OPCML: variants seen among roughly 807,000 people sequenced by gnomAD.
OPCML encodes opioid binding protein/cell adhesion molecule like.
In OPCML, 13 loss-of-function variants were observed where a neutral mutation model predicts 37.8. The ratio of observed to expected loss-of-function variants is 0.34; its 90% CI spans 0.22 to 0.55. The LOEUF is 0.55. OPCML is among the 20% of genes least tolerant of loss of function. The pLI is 0.91. For missense variants in OPCML, 341 were observed against 435.6 expected, an observed-to-expected ratio of 0.78 and a Z score of 1.93; for synonymous variants, 176 against 168.8, an observed-to-expected ratio of 1.04 and a Z score of -0.33.
intron 1 of OPCML, among the ~76,000 whole-genome samples, chr11:133,426,584 C>T (rs60949153): frequency 0.012 from 1,801 of 152,246 alleles, 34 homozygotes; most frequent in African/African-American, 0.04. Flanking sequence ...CCTCCTCTGC[C>T]CCAGGCCCCC....
At chr11:132,923,887 C>T (rs1378214273) in intron 2 of OPCML, among the ~76,000 whole-genome samples, 1 of 151,630 alleles carries the variant, frequency 6.6e-6, no homozygotes, top group African/African-American at 2.4e-5. Flanking sequence ...CCTCAGCCTC[C>T]CGACTAGCTA....
intron 1 of OPCML, among the ~76,000 whole-genome samples, chr11:132,993,171 A>G (rs1946812753): frequency 6.6e-6 from 1 of 152,212 alleles, no homozygotes; most frequent in South Asian, 2.1e-4. Flanking sequence ...GTGCAGCTCC[A>G]GGACGTGCAT....
At chr11:132,620,232 A>G (rs1939317764) in intron 3 of OPCML, among the ~76,000 whole-genome samples, 1 of 152,190 alleles carries the variant, frequency 6.6e-6, no homozygotes, top group African/African-American at 2.4e-5. Flanking sequence ...CCATATACTA[A>G]TGCATTGAAA....
intron 1 of OPCML, among the ~76,000 whole-genome samples, chr11:133,506,666 A>G (rs1948037523): frequency 6.6e-6 from 1 of 152,232 alleles, no homozygotes; most frequent in African/African-American, 2.4e-5. Context: ...GGCTCTAATC[A>G]TCCCTGATAA....
chr11:132,991,923 A>G (rs1946785634), intron 1 of OPCML, among the ~76,000 whole-genome samples: 1 of 134,214 alleles, frequency 7.5e-6, no homozygotes, highest in East Asian at 2.1e-4. Flanking sequence ...CTGTCTGTGT[A>G]GGATCTCGGT....
intron 1 of OPCML, among the ~76,000 whole-genome samples, chr11:133,229,972 T>A (rs555570015): frequency 6.6e-6 from 1 of 152,322 alleles, no homozygotes; most frequent in South Asian, 2.1e-4. Flanking sequence ...CTCACTTACG[T>A]GCCCAAGGCA....
Position 133,117,441 on chromosome 11 carries a change from C to T in OPCML, c.62-174431G>A, listed in dbSNP as rs367810979. Among the ~76,000 whole-genome samples, 12 of 152,214 alleles carry T rather than the reference C, an allele frequency of 7.9e-5. No individual in the cohort carries two copies. The East Asian group carries it at 1.9e-3, about 24-fold the overall frequency. On this transcript the variant is annotated intron_variant, in intron 1 of 7. Coordinates refer to ENST00000524381, the MANE Select transcript of OPCML (RefSeq NM_001012393.5). ...CATGGTCCTAAGGTGTTCCCATAGA[C>T]TAGCACTGAGCTGTGAAGGGACCAA...
At chr11:133,418,052 A>T in intron 1 of OPCML, 1 of 985,196 alleles carries the variant, frequency 1.0e-6, no homozygotes, top group African/African-American at 1.7e-5. Flanking sequence ...GGCAGAGAGA[A>T]CTGCTTGAAC....
chr11:132,992,110 AAGTTATCTTCCCAAGTTC>A (rs1429265471), intron 1 of OPCML, among the ~76,000 whole-genome samples: 12 of 152,288 alleles, frequency 7.9e-5, no homozygotes, highest in Non-Finnish European at 1.6e-4. Context: ...CAGAAATGCT[AAGTTATCTTCCCAAGTTC>A]ACAAAACAAG....
chr11:132,532,072 G>A (rs562544918), intron 3 of OPCML, among the ~76,000 whole-genome samples: 9 of 152,092 alleles, frequency 5.9e-5, no homozygotes, highest in East Asian at 2.0e-4. Flanking sequence ...CACAGACATC[G>A]TATCTCATGC....
intron 4 of OPCML, 63 bp downstream of exon 4, chr11:132,528,998 G>A: frequency 1.0e-6 from 1 of 960,730 alleles, no homozygotes; most frequent in South Asian, 1.6e-5. Context: ...AAGCTCTGTT[G>A]TGCATAAGAG....
intron 1 of OPCML, chr11:133,301,290 T>G (rs932956978): frequency 1.3e-5 from 2 of 152,230 alleles, no homozygotes; most frequent in East Asian, 3.8e-4. Context: ...ATATAGTTTT[T>G]GAAGTACAGA....
At chr11:133,532,139 A>G in intron 1 of OPCML, 125 bp downstream of exon 1, 1 of 1,455,124 alleles carries the variant, frequency 6.9e-7, no homozygotes, top group South Asian at 1.3e-5. Flanking sequence ...TCTTTCACTC[A>G]CATGCATCTC....
At chr11:132,680,839 G>C (rs968533339) in intron 2 of OPCML, among the ~76,000 whole-genome samples, 1 of 152,172 alleles carries the variant, frequency 6.6e-6, no homozygotes, top group Non-Finnish European at 1.5e-5. Flanking sequence ...AGCCGCTCCT[G>C]CATGTGAAGA....
chr11:132,981,131 A>C (rs1182436255), intron 1 of OPCML, among the ~76,000 whole-genome samples: 1 of 152,198 alleles, frequency 6.6e-6, no homozygotes, highest in Non-Finnish European at 1.5e-5. Flanking sequence ...ATTGATCCAA[A>C]CGTCGTTACG....
chr11:132,955,399 A>T (rs910472292), intron 1 of OPCML, among the ~76,000 whole-genome samples: 6 of 152,128 alleles, frequency 3.9e-5, no homozygotes, highest in Non-Finnish European at 7.4e-5. Context: ...ACCAATATTT[A>T]AAAAATAGTG....
chr11:132,429,913 AG>A (rs1484722027), intron 7 of OPCML, among the ~76,000 whole-genome samples: 2 of 152,126 alleles, frequency 1.3e-5, no homozygotes, highest in African/African-American at 4.8e-5. Flanking sequence ...GAAGACTGAT[AG>A]GGCAGGTGCC....
chr11:132,763,237 C>A (rs757024687), intron 2 of OPCML, among the ~76,000 whole-genome samples: 1 of 152,206 alleles, frequency 6.6e-6, no homozygotes. Flanking sequence ...CTGGCAGCTG[C>A]AGACCAAAGC....
intron 1 of OPCML, among the ~76,000 whole-genome samples, chr11:133,392,734 C>A (rs911123660): frequency 6.6e-6 from 1 of 152,206 alleles, no homozygotes; most frequent in Non-Finnish European, 1.5e-5. Flanking sequence ...ATGTATCATT[C>A]GTTACAGGTT....
Sources: gnomAD v4.1 joint callset for allele counts (sites outside exome capture counted in the v4.1 genomes callset) on GRCh38, gnomAD v4.1.1 for gene constraint, MANE v1.5 for transcripts, NCBI Gene and HGNC (gene_info 2026-07-23, HGNC 2026-07-21) for gene names.